CEP128: variants seen among roughly 807,000 people sequenced by gnomAD.
The protein encoded by CEP128 is centrosomal protein 128, also known as centrosomal protein 128kDa.
In CEP128, 132 loss-of-function variants were observed where a neutral mutation model predicts 156.7. The observed-to-expected ratio is 0.84, with a 90% CI of 0.73 to 0.97. The LOEUF (loss-of-function observed/expected upper bound fraction) is 0.97. Ranked by LOEUF, CEP128 falls within the 50% of genes least tolerant of loss-of-function variation. The probability of loss-of-function intolerance (pLI) is 0.00; values close to 1 mark genes in which losing one functional copy is unlikely to be tolerated. For missense variants in CEP128, 1,252 were observed against 1,281.9 expected, an observed-to-expected ratio of 0.98 and a Z score of 0.36; for synonymous variants, 469 against 448.9, an observed-to-expected ratio of 1.04 and a Z score of -0.57.
chr14:80,785,924 T>C (rs974113984), intron 14 of CEP128, among the ~76,000 whole-genome samples: 1 of 152,130 alleles, frequency 6.6e-6, no homozygotes, highest in Non-Finnish European at 1.5e-5. Flanking sequence ...CCTAAAATAA[T>C]ACTGATGTAC....
chr14:80,857,741 AAACAACAAC>A (rs899235752), intron 9 of CEP128, among the ~76,000 whole-genome samples: 5 of 138,262 alleles, frequency 3.6e-5, no homozygotes, highest in African/African-American at 1.6e-4. Flanking sequence ...TCTCAAAAAA[AAACAACAAC>A]AACAACAACA....
At chr14:80,903,291 A>T (rs748946424) in intron 6 of CEP128, among the ~76,000 whole-genome samples, 3 of 152,136 alleles carry the variant, frequency 2.0e-5, no homozygotes, top group Non-Finnish European at 4.4e-5. Flanking sequence ...TGTTGACAAA[A>T]CTGCATATAC....
In CEP128 at chr14:80,904,913, G is replaced by A; in HGVS notation, c.380C>T (p.Pro127Leu). ...CCCATAGTCCTTGAGAGGTGAGGTA[G>A]GTGGAAAATGATGGAGCTCTTCACA... is the stretch of plus-strand genomic sequence containing the variant. ...GTGSELHHFP[P>L]TSPLKDYGDP... Residue 127 changes from proline (P) to leucine (L), a missense_variant, in exon 6 of 25, where the codon CCT becomes CTT. Coordinates refer to ENST00000555265, the MANE Select transcript of CEP128 (RefSeq NM_152446.5). 6.2e-7 allele frequency: 1 copy of A among 1,600,274 alleles called. No individual in the cohort carries two copies. The highest frequency in any genetic ancestry group is 8.6e-7 in the Non-Finnish European group (1 of 1,167,476).
intron 13 of CEP128, among the ~76,000 whole-genome samples, chr14:80,800,360 C>G (rs890959498): frequency 6.6e-6 from 1 of 152,102 alleles, no homozygotes; most frequent in South Asian, 2.1e-4. Context: ...ATAAAGAGAA[C>G]TTTTTATATC....
intron 15 of CEP128, among the ~76,000 whole-genome samples, chr14:80,779,270 GA>G (rs1254819879): frequency 6.6e-6 from 1 of 152,030 alleles, no homozygotes; most frequent in Non-Finnish European, 1.5e-5. Context: ...GCAATCAATG[GA>G]AACAATTTCC....
intron 13 of CEP128, among the ~76,000 whole-genome samples, chr14:80,819,448 G>A (rs1469900695): frequency 2.6e-5 from 4 of 151,780 alleles, no homozygotes; most frequent in Non-Finnish European, 5.9e-5. Context: ...GGGTTTCACT[G>A]TGTTAGCCAG....
intron 2 of CEP128, among the ~76,000 whole-genome samples, chr14:80,936,782 T>C (rs1241746070): frequency 6.6e-6 from 1 of 151,994 alleles, no homozygotes; most frequent in African/African-American, 2.4e-5. Context: ...ACAAATGTTA[T>C]TTGTTATTTC....
At chr14:80,568,895 A>C (rs970915247) in intron 20 of CEP128, among the ~76,000 whole-genome samples, 1 of 152,188 alleles carries the variant, frequency 6.6e-6, no homozygotes, top group Non-Finnish European at 1.5e-5. Flanking sequence ...AATAAAGCAG[A>C]TGTATATTAA....
At chr14:80,638,226 T>C (rs961830458) in intron 19 of CEP128, among the ~76,000 whole-genome samples, 6 of 152,212 alleles carry the variant, frequency 3.9e-5, no homozygotes, top group African/African-American at 1.4e-4. Context: ...AATCGTATAG[T>C]TCCTCCAAGT....
At position 80,761,603 on chromosome 14, in the gene CEP128, A is replaced by T; in HGVS notation, c.2387T>A (p.Ile796Lys). 6.3e-7 allele frequency: 1 copy of T among 1,591,798 alleles called. No homozygotes were observed. Among genetic ancestry groups the T allele is most frequent in the Non-Finnish European group, 8.6e-7 (1 of 1,167,578 alleles). ...KDQLEEREKH[I>K]SIEEEHLRRM... is the part of the protein sequence containing the mutation. Reference sequence around the variant, plus strand: ...CCTTAAGTGCTCCTCTTCAATGCTTATATGTTTTTCCTAAGGCATTGAAAG... The same window carrying T: ...CCTTAAGTGCTCCTCTTCAATGCTTTTATGTTTTTCCTAAGGCATTGAAAG... Residue 796 changes from isoleucine to lysine, a missense_variant, in exon 17 of 25, where the codon ATA becomes AAA. Coordinates refer to ENST00000555265, the MANE Select transcript of CEP128 (RefSeq NM_152446.5).
chr14:80,564,186 G>A (rs192525193), intron 20 of CEP128, among the ~76,000 whole-genome samples: 1 of 152,268 alleles, frequency 6.6e-6, no homozygotes, highest in Admixed American at 6.5e-5. Flanking sequence ...CTAAGAAAGG[G>A]AAAGTTTATG....
At chr14:80,647,238 T>A (rs1894703004) in intron 19 of CEP128, among the ~76,000 whole-genome samples, 2 of 151,410 alleles carry the variant, frequency 1.3e-5, no homozygotes, top group African/African-American at 4.8e-5. Context: ...AAAAAATTCC[T>A]GTGCCTAAGT....
intron 8 of CEP128, among the ~76,000 whole-genome samples, chr14:80,880,707 C>CA (rs776021062): frequency 1.2e-3 from 175 of 147,962 alleles, no homozygotes; most frequent in Non-Finnish European, 2.3e-3. Context: ...AAAAAAAATA[C>CA]AAAAAATTAG....
At chr14:80,861,825 C>CTTTT (rs1192756469) in intron 9 of CEP128, among the ~76,000 whole-genome samples, 1 of 152,078 alleles carries the variant, frequency 6.6e-6, no homozygotes, top group Non-Finnish European at 1.5e-5. Flanking sequence ...TAAAAGAAAA[C>CTTTT]ATACATATCA....
At chr14:80,657,365 C>G (rs573827696) in intron 19 of CEP128, among the ~76,000 whole-genome samples, 1 of 151,996 alleles carries the variant, frequency 6.6e-6, no homozygotes, top group Admixed American at 6.6e-5. Flanking sequence ...TAAAACTTCT[C>G]AGGGGGCTGA....
intron 19 of CEP128, among the ~76,000 whole-genome samples, chr14:80,587,002 A>C (rs1416223437): frequency 1.3e-5 from 2 of 152,214 alleles, no homozygotes; most frequent in African/African-American, 4.8e-5. Flanking sequence ...CATTTAAAAT[A>C]GTGCTTGGTA....
At chr14:80,942,310 A>C (rs1886201489), upstream of CEP128, 1 of 152,194 alleles carries the variant, frequency 6.6e-6, no homozygotes, top group Non-Finnish European at 1.5e-5. Flanking sequence ...TATTCACGGC[A>C]CACCAAAAGT....
At chr14:80,701,225 T>G (rs1218664723) in intron 19 of CEP128, among the ~76,000 whole-genome samples, 1 of 152,128 alleles carries the variant, frequency 6.6e-6, no homozygotes, top group Non-Finnish European at 1.5e-5. Flanking sequence ...TTGGTTCCTG[T>G]GTAGCCTGCA....
intron 21 of CEP128, among the ~76,000 whole-genome samples, chr14:80,558,264 C>A (rs1388582448): frequency 1.3e-5 from 2 of 151,788 alleles, no homozygotes; most frequent in East Asian, 3.9e-4. Flanking sequence ...TCTATAAAAC[C>A]ATAATTTTAT....
Sources: allele counts gnomAD v4.1 joint callset (sites outside exome capture counted in the v4.1 genomes callset), GRCh38; gene constraint gnomAD v4.1.1; transcripts MANE v1.5; gene names NCBI Gene and HGNC (gene_info 2026-07-23, HGNC 2026-07-21).